The following PPM1L variants were observed in gnomAD, a reference collection of about 807,000 sequenced individuals.
PPM1L encodes the protein protein phosphatase 1L.
PPM1L carries 13 observed loss-of-function variants against 31.4 expected under a neutral mutation model. The ratio of observed to expected loss-of-function variants is 0.41; its 90% CI spans 0.27 to 0.66. The LOEUF (loss-of-function observed/expected upper bound fraction) is 0.66, where lower values mean the gene tolerates loss of function less well. Ranked by LOEUF, PPM1L falls within the 30% of genes least tolerant of loss-of-function variation. The pLI is 0.29. For synonymous variants in PPM1L, 184 were observed against 175.4 expected (o/e 1.05, Z -0.39); for missense variants, 326 against 453.7 (o/e 0.72, Z 2.56).
chr3:160,989,942 G>A (rs1717077338), intron 2 of PPM1L, among the ~76,000 whole-genome samples: 3 of 152,018 alleles, frequency 2.0e-5, no homozygotes, highest in Non-Finnish European at 2.9e-5. Flanking sequence ...CAGCATTACA[G>A]GCATGAGCCA....
At chr3:160,996,609 A>G (rs1451993961) in intron 2 of PPM1L, among the ~76,000 whole-genome samples, 1 of 152,248 alleles carries the variant, frequency 6.6e-6, no homozygotes, top group Middle Eastern at 3.4e-3. Flanking sequence ...AGACATAAGA[A>G]TGATACAGAG....
rs571936460 is a variant in PPM1L at position 160,981,732 on chromosome 3, T to TTTTATTTATTTATTTA, written c.574+19850_574+19865dup. On this transcript the variant is annotated intron_variant, in intron 2 of 3. Coordinates refer to ENST00000498165, the MANE Select transcript of PPM1L (RefSeq NM_139245.4). ...CTACTATTATCACCTTTCCTTCTCATTTTATTTATTTATTTATTTATTTAT... is the reference window on the plus strand; with the variant it reads ...CTACTATTATCACCTTTCCTTCTCATTTTATTTATTTATTTATTTATTTATTTATTTATTTATTTAT... Among the ~76,000 whole-genome samples the TTTTATTTATTTATTTA allele has an allele frequency of 1.9e-3, 264 of 139,894 alleles. 1 individual carries two copies. Among genetic ancestry groups the TTTTATTTATTTATTTA allele is most frequent in the African/African-American group, 2.3e-3 (86 of 37,604 alleles). The allele number at this position is 139,894 out of a possible 152,430, so 91.8% of individuals were successfully genotyped here.
At chr3:160,904,952 G>C (rs1018127161) in intron 1 of PPM1L, among the ~76,000 whole-genome samples, 2 of 152,072 alleles carry the variant, frequency 1.3e-5, no homozygotes. Context: ...CTCTTGCCAT[G>C]CTGGGTGTGA....
At chr3:160,903,831 T>A (rs1244764907) in intron 1 of PPM1L, among the ~76,000 whole-genome samples, 1 of 82,878 alleles carries the variant, frequency 1.2e-5, no homozygotes, top group African/African-American at 3.9e-5. Flanking sequence ...GAAATGATAA[T>A]GTATTAGGAA....
intron 1 of PPM1L, among the ~76,000 whole-genome samples, chr3:160,922,808 G>A (rs1714459887): frequency 6.6e-6 from 1 of 152,150 alleles, no homozygotes; most frequent in African/African-American, 2.4e-5. Context: ...CCATCTATAT[G>A]TCAGGTACTG....
chr3:160,891,826 A>G (rs1576694403), intron 1 of PPM1L, among the ~76,000 whole-genome samples: 1 of 152,350 alleles, frequency 6.6e-6, no homozygotes. Flanking sequence ...CATAAAAAGG[A>G]TGAAATTATG....
intron 1 of PPM1L, among the ~76,000 whole-genome samples, chr3:160,923,229 G>A (rs528826440): frequency 6.6e-6 from 1 of 152,260 alleles, no homozygotes; most frequent in East Asian, 1.9e-4. Context: ...AGATATCATA[G>A]TAAAGCTTGA....
intron 1 of PPM1L, among the ~76,000 whole-genome samples, chr3:160,861,146 T>A (rs989379056): frequency 6.6e-6 from 1 of 152,174 alleles, no homozygotes; most frequent in Non-Finnish European, 1.5e-5. Context: ...AATAAAACCT[T>A]TATTTGCTGA....
intron 2 of PPM1L, among the ~76,000 whole-genome samples, chr3:161,005,534 T>C (rs1454739883): frequency 6.6e-6 from 1 of 152,174 alleles, no homozygotes; most frequent in Non-Finnish European, 1.5e-5. Context: ...AGCATAATGA[T>C]TAAATACAGA....
At chr3:160,824,420 A>G (rs1458042923) in intron 1 of PPM1L, among the ~76,000 whole-genome samples, 4 of 152,186 alleles carry the variant, frequency 2.6e-5, no homozygotes, top group Non-Finnish European at 5.9e-5. Context: ...GTACTGAACC[A>G]TAAGGGTGAT....
At chr3:160,931,891 T>C (rs1714800818) in intron 1 of PPM1L, among the ~76,000 whole-genome samples, 2 of 152,218 alleles carry the variant, frequency 1.3e-5, no homozygotes, top group African/African-American at 4.8e-5. Context: ...TATTGGAATA[T>C]AAATTTGTGT....
intron 1 of PPM1L, among the ~76,000 whole-genome samples, chr3:160,836,277 G>A (rs1167995455): frequency 6.6e-6 from 1 of 151,934 alleles, no homozygotes; most frequent in Non-Finnish European, 1.5e-5. Context: ...GAAGTAGGAA[G>A]CTGCTCTTGA....
chr3:160,953,335 A>G (rs1309244546), intron 1 of PPM1L, among the ~76,000 whole-genome samples: 1 of 152,210 alleles, frequency 6.6e-6, no homozygotes, highest in Non-Finnish European at 1.5e-5. Context: ...AATAAAATAG[A>G]TTATTTGTTA....
chr3:160,936,773 T>C (rs1389868114), intron 1 of PPM1L, among the ~76,000 whole-genome samples: 1 of 152,226 alleles, frequency 6.6e-6, no homozygotes, highest in Non-Finnish European at 1.5e-5. Flanking sequence ...TTGTCGTCAT[T>C]ATAATTATCT....
intron 1 of PPM1L, among the ~76,000 whole-genome samples, chr3:160,812,436 A>G (rs1312053228): frequency 4.6e-5 from 7 of 152,208 alleles, no homozygotes; most frequent in Admixed American, 2.6e-4. Flanking sequence ...ACTCAGAAGC[A>G]TTGCATTCTG....
At chr3:160,889,066 A>G (rs1307561623) in intron 1 of PPM1L, among the ~76,000 whole-genome samples, 2 of 152,194 alleles carry the variant, frequency 1.3e-5, no homozygotes, top group Non-Finnish European at 2.9e-5. Flanking sequence ...ATTTCAAATG[A>G]ACACCCTAAC....
chr3:161,042,319 C>T (rs1014505631), intron 2 of PPM1L, among the ~76,000 whole-genome samples: 1 of 152,180 alleles, frequency 6.6e-6, no homozygotes, highest in Admixed American at 6.5e-5. Flanking sequence ...TTGTTAAATG[C>T]CTGCTGAATG....
At chr3:160,961,587 T>C in intron 1 of PPM1L, 149 bp from the exon 2 acceptor site, 1 of 542,780 alleles carries the variant, frequency 1.8e-6, no homozygotes, top group Non-Finnish European at 3.1e-6. Flanking sequence ...GTCCAGTGGA[T>C]ACTAAAAATG....
chr3:160,836,877 T>C (rs948169577), intron 1 of PPM1L, among the ~76,000 whole-genome samples: 11 of 152,192 alleles, frequency 7.2e-5, no homozygotes, highest in Admixed American at 2.0e-4. Flanking sequence ...CTCTAAAATC[T>C]TAATGCAAAG....
Sources: gnomAD v4.1 joint callset for allele counts (sites outside exome capture counted in the v4.1 genomes callset) on GRCh38, gnomAD v4.1.1 for gene constraint, MANE v1.5 for transcripts, NCBI Gene and HGNC (gene_info 2026-07-23, HGNC 2026-07-21) for gene names.